Variants in LTBP2 observed in about 807,000 individuals in gnomAD.
LTBP2 encodes the protein latent transforming growth factor beta binding protein 2, also known as latent-transforming growth factor beta-binding protein 2.
In LTBP2, 103 loss-of-function variants were observed where a neutral mutation model predicts 210.6. That is an observed-to-expected ratio of 0.49 (90% confidence interval 0.42 to 0.58). The LOEUF (loss-of-function observed/expected upper bound fraction) is 0.58. Among genes scored for constraint, LTBP2 ranks in the 20% least tolerant of loss-of-function variants. The probability of loss-of-function intolerance (pLI) is 0.00; values close to 1 mark genes in which losing one functional copy is unlikely to be tolerated. For synonymous variants in LTBP2, 1,007 were observed against 1,015.0 expected, an observed-to-expected ratio of 0.99 and a Z score of 0.15; for missense variants, 2,313 against 2,494.5, an observed-to-expected ratio of 0.93 and a Z score of 1.55.
rs925807078 is a variant in LTBP2 at position 74,569,602 on chromosome 14, C to G, written c.831-13909G>C. Among the ~76,000 whole-genome samples, 3 of 152,158 alleles carry G rather than the reference C, an allele frequency of 2.0e-5. No homozygotes were observed. The East Asian group carries it at 5.8e-4, about 29-fold the overall frequency. ...GACAGAAGCCAGCTGTGCTGAGGGG[C>G]AGAGATCAGACTATAATGAGATTTG... On this transcript the variant is annotated intron_variant, in intron 3 of 35. Coordinates refer to ENST00000261978, the MANE Select transcript of LTBP2 (RefSeq NM_000428.3).
rs145802633 is a variant in LTBP2 at position 74,525,260 on chromosome 14, G to A, written c.2429-35C>T. ...AGAGAGGGGAAGAGGTGGGGTTGTG[G>A]CCCCTTGGCTGGCCATGGCCCTTCC... is the stretch of plus-strand genomic sequence containing the variant. On this transcript the variant is annotated intron_variant, in intron 14 of 35. Transcript: ENST00000261978. The A allele has an allele frequency of 1.2e-4, 142 of 1,219,782 alleles. No homozygotes were observed. The African/African-American group carries it at 2.0e-3, about 17-fold the overall frequency. The allele number at this position is 1,219,782 out of a possible 1,614,324, so 75.6% of individuals were successfully genotyped here.
chr14:74,499,686 C>T lies in LTBP2; in HGVS notation c.*1198G>A, dbSNP rs2086889752. ...GGCCAGGGAGTAGGCACAGCCTCAT[C>T]TCTAATATTTAGACTTAGCCAACAT... On this transcript the variant is annotated 3_prime_UTR_variant, in exon 36 of 36. Coordinates refer to ENST00000261978, the MANE Select transcript of LTBP2 (RefSeq NM_000428.3). 8.9e-6 allele frequency: 2 copies of T among 225,394 alleles called. No individual in the cohort carries two copies. The highest frequency in any genetic ancestry group is 6.4e-5 in the East Asian group (1 of 15,578). The allele number at this position is 225,394 out of a possible 1,614,324, so 14.0% of individuals were successfully genotyped here. A position where few individuals can be genotyped will look rare whatever the true frequency, so the allele number is the denominator to read the frequency against.
At chr14:74,574,679 A>T (rs531704522) in intron 3 of LTBP2, among the ~76,000 whole-genome samples, 1 of 152,226 alleles carries the variant, frequency 6.6e-6, no homozygotes, top group South Asian at 2.1e-4. Flanking sequence ...TATCTCAGAG[A>T]TTTGTTTAGG....
intron 3 of LTBP2, among the ~76,000 whole-genome samples, chr14:74,570,412 G>A (rs907932405): frequency 6.6e-6 from 1 of 152,036 alleles, no homozygotes; most frequent in Non-Finnish European, 1.5e-5. Context: ...TGTAGACTAA[G>A]GCAGCTAGGG....
At position 74,498,569 on chromosome 14, in the gene LTBP2, C is replaced by G. The variant is rs1471179222; in HGVS notation, c.*2315G>C. 2 of 228,040 alleles carry G rather than the reference C, an allele frequency of 8.8e-6. No homozygotes were observed. Among genetic ancestry groups the G allele is most frequent in the East Asian group, 1.3e-4 (2 of 15,966 alleles). 14.1% of individuals were successfully genotyped at this position (228,040 alleles called of 1,614,324 possible). The stretch of plus-strand genomic sequence containing the variant: ...AGTGCAGAACAGCATGCATAGTATG[C>G]TATTTGTATTTTAAACAAAGGAAAT... On this transcript the variant is annotated 3_prime_UTR_variant, in exon 36 of 36. Coordinates refer to ENST00000261978, the MANE Select transcript of LTBP2 (RefSeq NM_000428.3).
At chr14:74,528,793 G>T in intron 11 of LTBP2, 95 bp from the exon 12 acceptor site, 1 of 1,531,542 alleles carries the variant, frequency 6.5e-7, no homozygotes, top group Non-Finnish European at 8.9e-7. Context: ...CACGGCAATT[G>T]TGGCAGCAAG....
intron 8 of LTBP2, among the ~76,000 whole-genome samples, chr14:74,543,210 C>T (rs970726534): frequency 4.0e-5 from 6 of 151,742 alleles, no homozygotes; most frequent in Non-Finnish European, 2.9e-5. Flanking sequence ...AACTCCGTCT[C>T]TCCTAAAAAT....
At position 74,499,543 on chromosome 14, in the gene LTBP2, G is replaced by C. The variant is rs1333517163; in HGVS notation, c.*1341C>G. ...TTCACTTCCATGCTCCAGTCACATG[G>C]AGCCTTGTTCATTTACATTGCCATT... On this transcript the variant is annotated 3_prime_UTR_variant, in exon 36 of 36. Transcript: ENST00000261978. 1 of 229,052 alleles carries C rather than the reference G, an allele frequency of 4.4e-6. No individual in the cohort carries two copies. The highest frequency in any genetic ancestry group is 2.2e-5 in the African/African-American group (1 of 45,094). 14.2% of individuals were successfully genotyped at this position (229,052 alleles called of 1,614,324 possible). A position where few individuals can be genotyped will look rare whatever the true frequency, so the allele number is the denominator to read the frequency against.
At chr14:74,520,182 G>A (rs1202513180) in intron 17 of LTBP2, among the ~76,000 whole-genome samples, 1 of 152,216 alleles carries the variant, frequency 6.6e-6, no homozygotes, top group Non-Finnish European at 1.5e-5. Flanking sequence ...TCAGGTCTCT[G>A]CAAAGATGCT....
At chr14:74,502,104 T>A (rs978292409) in intron 34 of LTBP2, 1 of 277,690 alleles carries the variant, frequency 3.6e-6, no homozygotes, top group Non-Finnish European at 7.0e-6. Context: ...TACCCAGAGG[T>A]ATGGTTTTAG....
chr14:74,588,533 T>C (rs1212916074), intron 2 of LTBP2, among the ~76,000 whole-genome samples: 2 of 152,192 alleles, frequency 1.3e-5, no homozygotes, highest in African/African-American at 4.8e-5. Context: ...TGCCATTAGT[T>C]TTTTTATGCA....
Position 74,508,708 on chromosome 14 carries a change from T to A in LTBP2, c.3548A>T (p.Glu1183Val). The change falls in exon 24 of 36, where the codon GAG (glutamate) becomes GTG (valine). Residue 1183 changes from glutamate (E) to valine (V), a missense_variant. This residue lies in a region of LTBP2 where 1,867 missense variants were observed against 1,976.9 expected (regional missense o/e 0.94). Coordinates refer to ENST00000261978, the MANE Select transcript of LTBP2 (RefSeq NM_000428.3). ...VCEDVNECMG[E>V]EHCAPHGECL... Reference sequence around the variant, plus strand: ...CTCGCCGTGGGGTGCGCAGTGCTCCTCCCCCATGCACTCATTCACATCTGC... The same window carrying A: ...CTCGCCGTGGGGTGCGCAGTGCTCCACCCCCATGCACTCATTCACATCTGC... 6.2e-7 allele frequency: 1 copy of A among 1,613,750 alleles called. No homozygotes were observed.
chr14:74,595,471 C>T (rs1284874071), intron 2 of LTBP2, among the ~76,000 whole-genome samples: 5 of 152,188 alleles, frequency 3.3e-5, no homozygotes, highest in African/African-American at 4.8e-5. Flanking sequence ...GCCTCAGTGC[C>T]AGAGGGGCCC....
At chr14:74,591,395 G>T (rs1203228216) in intron 2 of LTBP2, among the ~76,000 whole-genome samples, 3 of 152,304 alleles carry the variant, frequency 2.0e-5, no homozygotes, top group South Asian at 4.1e-4. Context: ...AGTAAATCAA[G>T]TTCTAAAAGG....
chr14:74,504,661 G>A, intron 30 of LTBP2, 117 bp downstream of exon 30: 1 of 949,092 alleles, frequency 1.1e-6, no homozygotes, highest in South Asian at 1.3e-5. Context: ...GACAGAAAAG[G>A]TGGAGGCAAC....
At position 74,555,689 on chromosome 14, in the gene LTBP2, G is replaced by A. The variant is rs2087719931; in HGVS notation, c.835C>T (p.Leu279=). 7 of 1,528,070 alleles carry A rather than the reference G, an allele frequency of 4.6e-6. No individual in the cohort carries two copies. Among genetic ancestry groups the A allele is most frequent in the Middle Eastern group, 4.1e-4 (2 of 4,878 alleles). 94.7% of individuals were successfully genotyped at this position (1,528,070 alleles called of 1,614,324 possible). ...PAPQSPPAGT[L]SGLSQTHPSQ... is the part of the protein sequence containing the mutation. ...GGGTGGGTCTGGCTGAGGCCACTCAGGGTCCTGTGGAGACAACCGCGGCAC... is the reference window on the plus strand; with the variant it reads ...GGGTGGGTCTGGCTGAGGCCACTCAAGGTCCTGTGGAGACAACCGCGGCAC... Residue 279 remains leucine (L), a synonymous_variant, in exon 4 of 36, where the codon CTG becomes TTG. Transcript: ENST00000261978.
At chr14:74,527,568 C>T (rs191715963) in intron 12 of LTBP2, among the ~76,000 whole-genome samples, 17 of 152,372 alleles carry the variant, frequency 1.1e-4, no homozygotes, top group Non-Finnish European at 1.6e-4. Flanking sequence ...TCCAGAACCC[C>T]AGGTCTGGAG....
chr14:74,572,378 G>A lies in LTBP2; in HGVS notation c.830+13476C>T, dbSNP rs116167969. 4.6e-3 allele frequency among the ~76,000 whole-genome samples: 692 copies of A among 151,928 alleles called. 4 individuals carry two copies. The highest frequency in any genetic ancestry group is 0.016 in the African/African-American group (664 of 41,404). Reference sequence around the variant, plus strand: ...GCATGCGCCATGACAGGGGGAGGAGGAGGAGTGCCGAGACACTGATTCAGT... The same window carrying A: ...GCATGCGCCATGACAGGGGGAGGAGAAGGAGTGCCGAGACACTGATTCAGT... On this transcript the variant is annotated intron_variant, in intron 3 of 35. Transcript: ENST00000261978.
chr14:74,548,902 T>G (rs2087612562), intron 8 of LTBP2, among the ~76,000 whole-genome samples: 2 of 152,202 alleles, frequency 1.3e-5, no homozygotes, highest in African/African-American at 4.8e-5. Flanking sequence ...GCCTGGGAGC[T>G]GAACACTACC....
Sources: allele counts gnomAD v4.1 joint callset (sites outside exome capture counted in the v4.1 genomes callset), GRCh38; gene constraint gnomAD v4.1.1; regional missense constraint gnomAD v4.1.1; transcripts MANE v1.5; gene names NCBI Gene and HGNC (gene_info 2026-07-23, HGNC 2026-07-21).